Variants in FBXW4 observed in about 807,000 individuals in gnomAD.
FBXW4 encodes the protein F-box and WD repeat domain containing 4, also known as F-box/WD repeat-containing protein 4.
FBXW4 carries 40 observed loss-of-function variants against 61.8 expected under a neutral mutation model. The ratio of observed to expected loss-of-function variants is 0.65; its 90% CI spans 0.50 to 0.84. The LOEUF (loss-of-function observed/expected upper bound fraction) is 0.84. Ranked by LOEUF, FBXW4 falls within the 40% of genes least tolerant of loss-of-function variation. The pLI is 0.00. For missense variants in FBXW4, 672 were observed against 753.8 expected (o/e 0.89, Z 1.27); for synonymous variants, 311 against 313.8 (o/e 0.99, Z 0.10).
At chr10:101,625,508 G>A (rs540469085) in intron 5 of FBXW4, 1 of 152,460 alleles carries the variant, frequency 6.6e-6, no homozygotes, top group South Asian at 2.1e-4. Flanking sequence ...CACACGAGAA[G>A]GAGCAGGCTG....
At chr10:101,624,362 T>G (rs1346496401) in intron 6 of FBXW4, among the ~76,000 whole-genome samples, 1 of 152,164 alleles carries the variant, frequency 6.6e-6, no homozygotes, top group East Asian at 1.9e-4. Context: ...CCTGCATGTA[T>G]TTTCACTGTT....
intron 5 of FBXW4, among the ~76,000 whole-genome samples, chr10:101,666,498 TG>T (rs1317756281): frequency 6.6e-6 from 1 of 152,128 alleles, no homozygotes; most frequent in African/African-American, 2.4e-5. Context: ...AGAAAGAAGC[TG>T]AAGGGCCTAA....
intron 6 of FBXW4, among the ~76,000 whole-genome samples, chr10:101,613,393 G>C (rs2134797742): frequency 6.6e-6 from 1 of 152,330 alleles, no homozygotes; most frequent in East Asian, 1.9e-4. Context: ...GGAAATGAAG[G>C]AAAAGGGGCG....
intron 1 of FBXW4, among the ~76,000 whole-genome samples, chr10:101,686,808 C>T (rs1211836723): frequency 6.6e-6 from 1 of 152,140 alleles, no homozygotes; most frequent in Non-Finnish European, 1.5e-5. Context: ...CAAGTTTTTA[C>T]ATCTCCAGCT....
intron 6 of FBXW4, among the ~76,000 whole-genome samples, chr10:101,618,842 C>G (rs980103453): frequency 1.3e-5 from 2 of 152,094 alleles, no homozygotes; most frequent in Non-Finnish European, 2.9e-5. Flanking sequence ...CCCAGCTGTG[C>G]CCTGTGCTCA....
chr10:101,662,658 A>AT (rs1351632072), intron 5 of FBXW4, among the ~76,000 whole-genome samples: 1 of 152,158 alleles, frequency 6.6e-6, no homozygotes, highest in Non-Finnish European at 1.5e-5. Context: ...AGACAGGGAA[A>AT]GGGTTTTGCT....
chr10:101,681,937 C>T (rs1051700470), intron 1 of FBXW4, among the ~76,000 whole-genome samples: 1 of 151,884 alleles, frequency 6.6e-6, no homozygotes, highest in Non-Finnish European at 1.5e-5. Flanking sequence ...CCAATTCTAC[C>T]GCTTACTAAT....
intron 5 of FBXW4, among the ~76,000 whole-genome samples, chr10:101,648,361 A>T (rs971632321): frequency 2.6e-5 from 4 of 152,200 alleles, no homozygotes; most frequent in African/African-American, 9.6e-5. Flanking sequence ...CCCATCACAA[A>T]ACAGTATCTT....
chr10:101,615,194 G>A (rs913503791), intron 6 of FBXW4, among the ~76,000 whole-genome samples: 3 of 152,178 alleles, frequency 2.0e-5, no homozygotes, highest in Non-Finnish European at 4.4e-5. Flanking sequence ...GGGCGAGAGG[G>A]GGGTGCAGAG....
rs1430878679 is a variant in FBXW4, at chr10:101,671,520, G to T, written c.1140+1395C>A. Among the ~76,000 whole-genome samples, 3 of 152,034 alleles carry T rather than the reference G, an allele frequency of 2.0e-5. No individual in the cohort carries two copies. In the East Asian group the frequency reaches 5.8e-4, roughly 29 times the overall value. On this transcript the variant is annotated intron_variant, in intron 4 of 8. Transcript: ENST00000331272. ...TCCATGCCCTCAGATTGCTACCTAT[G>T]GTTATAAAGCTTAGTTTTATACTGT...
intron 5 of FBXW4, 117 bp downstream of exon 5, chr10:101,667,769 A>G: frequency 1.2e-6 from 1 of 848,858 alleles, no homozygotes; most frequent in Non-Finnish European, 2.0e-6. Context: ...AATCTCCAAG[A>G]CAGTGACTCA....
intron 4 of FBXW4, among the ~76,000 whole-genome samples, chr10:101,668,982 T>C (rs1324637707): frequency 6.6e-6 from 1 of 152,110 alleles, no homozygotes; most frequent in African/African-American, 2.4e-5. Flanking sequence ...GGCAGGACCT[T>C]AGATGGAAGA....
At chr10:101,647,532 T>C (rs1018914155) in intron 5 of FBXW4, among the ~76,000 whole-genome samples, 1 of 152,086 alleles carries the variant, frequency 6.6e-6, no homozygotes, top group South Asian at 2.1e-4. Flanking sequence ...CGATTTTTTT[T>C]CCCCCAATGG....
At chr10:101,632,211 T>TACAC (rs576191437) in intron 5 of FBXW4, among the ~76,000 whole-genome samples, 2 of 150,346 alleles carry the variant, frequency 1.3e-5, no homozygotes, top group Non-Finnish European at 3.0e-5. Flanking sequence ...ACATATTCTC[T>TACAC]ACACACACAC....
intron 2 of FBXW4, 38 bp downstream of exon 2, chr10:101,676,303 G>A (rs1418704406): frequency 4.6e-6 from 7 of 1,531,200 alleles, no homozygotes; most frequent in Non-Finnish European, 5.4e-6. Flanking sequence ...ATGCTTTTAT[G>A]TCCCAAGTAG....
At position 101,676,237 on chromosome 10, in the gene FBXW4, C is replaced by T. The variant is rs2064406575; in HGVS notation, c.821+104G>A. 3 of 791,572 alleles carry T rather than the reference C, an allele frequency of 3.8e-6. No homozygotes were observed. The Admixed American group carries it at 7.2e-5, about 19-fold the overall frequency. 49.0% of individuals were successfully genotyped at this position (791,572 alleles called of 1,614,324 possible). On this transcript the variant is annotated intron_variant, in intron 2 of 8. Coordinates refer to ENST00000331272, the MANE Select transcript of FBXW4 (RefSeq NM_022039.4). Reference sequence around the variant, plus strand: ...TATTCAAAGGCTCACCAGTGCCCACCCACCCAAGATAGCCCCATTAGCCTC... The same window carrying T: ...TATTCAAAGGCTCACCAGTGCCCACTCACCCAAGATAGCCCCATTAGCCTC...
intron 5 of FBXW4, among the ~76,000 whole-genome samples, chr10:101,634,397 A>G (rs899633563): frequency 6.7e-6 from 1 of 149,236 alleles, no homozygotes; most frequent in Non-Finnish European, 1.5e-5. Context: ...TCCCATCTAC[A>G]CAAGATTTTT....
intron 2 of FBXW4, among the ~76,000 whole-genome samples, chr10:101,674,223 A>C (rs2064386210): frequency 6.6e-6 from 1 of 151,850 alleles, no homozygotes. Context: ...CAGCTACTCC[A>C]GAGGCTGAGG....
intron 5 of FBXW4, among the ~76,000 whole-genome samples, chr10:101,663,634 C>T (rs1415952939): frequency 1.4e-5 from 2 of 146,482 alleles, no homozygotes; most frequent in Non-Finnish European, 3.0e-5. Flanking sequence ...AAGACCCTGT[C>T]TCAAAAAAAA....
Sources: gnomAD v4.1 joint callset for allele counts (sites outside exome capture counted in the v4.1 genomes callset) on GRCh38, gnomAD v4.1.1 for gene constraint, MANE v1.5 for transcripts, NCBI Gene and HGNC (gene_info 2026-07-23, HGNC 2026-07-21) for gene names.